Variants in PRKG1 observed in about 807,000 individuals in gnomAD.
PRKG1 encodes cGMP-dependent protein kinase 1.
In PRKG1, 35 loss-of-function variants were observed where a neutral mutation model predicts 88.1. The observed-to-expected ratio is 0.40, with a 90% confidence interval of 0.30 to 0.53. The LOEUF is 0.53. Ranked by LOEUF, PRKG1 falls within the 20% of genes least tolerant of loss-of-function variation. PRKG1 has a pLI of 0.59. For synonymous variants in PRKG1, 303 were observed against 292.5 expected (o/e 1.04, Z -0.37); for missense variants, 540 against 839.8 (o/e 0.64, Z 4.41).
chr10:52,017,648 A>G (rs1845075753), intron 5 of PRKG1, among the ~76,000 whole-genome samples: 1 of 152,204 alleles, frequency 6.6e-6, no homozygotes, highest in Non-Finnish European at 1.5e-5. Flanking sequence ...ATACTTGCAA[A>G]ATGCCTAGTA....
At chr10:52,266,872 G>A (rs1209593294) in intron 10 of PRKG1, among the ~76,000 whole-genome samples, 2 of 152,044 alleles carry the variant, frequency 1.3e-5, no homozygotes, top group Admixed American at 6.6e-5. Context: ...ACACCTAGGA[G>A]ATTAGGACAG....
intron 1 of PRKG1, among the ~76,000 whole-genome samples, chr10:51,012,702 C>T (rs1415257901): frequency 6.6e-6 from 1 of 152,112 alleles, no homozygotes; most frequent in African/African-American, 2.4e-5. Flanking sequence ...GTCATTGGAG[C>T]CTGGTCTAGT....
At chr10:51,331,939 G>A (rs1272367547) in intron 2 of PRKG1, among the ~76,000 whole-genome samples, 1 of 152,150 alleles carries the variant, frequency 6.6e-6, no homozygotes, top group African/African-American at 2.4e-5. Flanking sequence ...CATTAATTGT[G>A]ATTATAATCA....
intron 2 of PRKG1, among the ~76,000 whole-genome samples, chr10:51,195,227 T>C (rs1180377555): frequency 6.6e-6 from 1 of 152,238 alleles, no homozygotes; most frequent in Non-Finnish European, 1.5e-5. Flanking sequence ...GATGAGGACA[T>C]CTTATTCATC....
chr10:51,373,881 C>T (rs1312208378), intron 2 of PRKG1, among the ~76,000 whole-genome samples: 4 of 151,426 alleles, frequency 2.6e-5, no homozygotes, highest in Admixed American at 1.3e-4. Context: ...TGGTGGCTCA[C>T]GCCTGTAATC....
intron 3 of PRKG1, among the ~76,000 whole-genome samples, chr10:51,756,378 T>C (rs1322878149): frequency 1.3e-5 from 2 of 151,424 alleles, no homozygotes; most frequent in Non-Finnish European, 2.9e-5. Flanking sequence ...TCCCAGTTAG[T>C]TGGGAGGCTG....
Position 51,235,022 on chromosome 10 carries a change from T to C in PRKG1, c.478+81692T>C, listed in dbSNP as rs563563866. Among the ~76,000 whole-genome samples the C allele has an allele frequency of 7.9e-5, 12 of 152,300 alleles. No homozygotes were observed. In the East Asian group the frequency reaches 2.1e-3, roughly 27 times the overall value. ...ATTTCCAAAGAACCAGAATATGTCCTGGTCATGGACATTCAAGCCAGTACT... is the reference window on the plus strand; with the variant it reads ...ATTTCCAAAGAACCAGAATATGTCCCGGTCATGGACATTCAAGCCAGTACT... On this transcript the variant is annotated intron_variant, in intron 2 of 17. Transcript: ENST00000373980.
intron 2 of PRKG1, among the ~76,000 whole-genome samples, chr10:51,220,197 G>A (rs1326765988): frequency 1.3e-5 from 2 of 150,760 alleles, no homozygotes; most frequent in East Asian, 3.9e-4. Flanking sequence ...CAATCTTCCA[G>A]GACACAAGGA....
intron 8 of PRKG1, among the ~76,000 whole-genome samples, chr10:52,154,183 A>C (rs567392558): frequency 6.6e-6 from 1 of 152,302 alleles, no homozygotes; most frequent in South Asian, 2.1e-4. Context: ...ATAGATTCTG[A>C]ATTTATATAC....
At chr10:51,744,268 T>A (rs1032076856) in intron 3 of PRKG1, among the ~76,000 whole-genome samples, 41 of 152,174 alleles carry the variant, frequency 2.7e-4, no homozygotes, top group African/African-American at 9.7e-4. Context: ...GAGCACTGAA[T>A]GTTGAGAAAC....
intron 9 of PRKG1, among the ~76,000 whole-genome samples, chr10:52,188,263 CAT>C (rs1295062256): frequency 2.3e-5 from 2 of 87,298 alleles, no homozygotes; most frequent in East Asian, 2.8e-4. Context: ...TATATATATA[CAT>C]ATGTATATAT....
intron 5 of PRKG1, among the ~76,000 whole-genome samples, chr10:51,996,314 CAAAAAAAAAAAAAAAAA>C (rs59174399): frequency 6.7e-5 from 2 of 30,010 alleles, no homozygotes; most frequent in African/African-American, 3.0e-4. Flanking sequence ...GACTCCATCT[CAAAAAAAAAAAAAAAAA>C]AAAAAAAAAA....
chr10:51,318,602 C>G (rs780406197), intron 2 of PRKG1, among the ~76,000 whole-genome samples: 1 of 152,106 alleles, frequency 6.6e-6, no homozygotes, highest in Admixed American at 6.6e-5. Context: ...TGTCAGGCAT[C>G]TGAATGCAGA....
chr10:51,123,813 G>T (rs939705621), intron 1 of PRKG1, among the ~76,000 whole-genome samples: 1 of 152,088 alleles, frequency 6.6e-6, no homozygotes, highest in Non-Finnish European at 1.5e-5. Flanking sequence ...TTCTGGGGAG[G>T]CCTCAGGAAG....
At chr10:51,853,051 A>G (rs890510036) in intron 4 of PRKG1, among the ~76,000 whole-genome samples, 3 of 152,100 alleles carry the variant, frequency 2.0e-5, no homozygotes, top group Admixed American at 1.3e-4. Flanking sequence ...AAACATGGTG[A>G]TATATTTATG....
chr10:52,293,443 T>C lies in PRKG1; in HGVS notation c.1963-359T>C, dbSNP rs185569418. ...GTTCATATGGAACCAAAAAAGAGCC[T>C]GCATCGCCAAGTCAATCCTGAGCCA... On this transcript the variant is annotated intron_variant, in intron 17 of 17. Transcript: ENST00000373980. 6.7e-3 allele frequency among the ~76,000 whole-genome samples: 1,013 copies of C among 152,170 alleles called. 1 individual carries two copies. Among genetic ancestry groups the C allele is most frequent in the African/African-American group, 0.011 (464 of 41,490 alleles).
intron 10 of PRKG1, among the ~76,000 whole-genome samples, chr10:52,270,671 G>A (rs1321524063): frequency 7.6e-6 from 1 of 132,450 alleles, no homozygotes; most frequent in Non-Finnish European, 1.5e-5. Context: ...ATTGAACAAT[G>A]AGAACACATG....
intron 4 of PRKG1, among the ~76,000 whole-genome samples, chr10:51,865,395 T>C (rs1840987893): frequency 6.7e-6 from 1 of 150,050 alleles, no homozygotes; most frequent in Non-Finnish European, 1.5e-5. Flanking sequence ...TTTCTAATAG[T>C]GAAGAATATT....
intron 9 of PRKG1, among the ~76,000 whole-genome samples, chr10:52,251,363 T>C (rs532163527): frequency 2.0e-5 from 3 of 152,276 alleles, no homozygotes; most frequent in Admixed American, 2.0e-4. Context: ...TTTTCTACCG[T>C]ACTTTGAAAC....
Sources: gnomAD v4.1 joint callset for allele counts (sites outside exome capture counted in the v4.1 genomes callset) on GRCh38, gnomAD v4.1.1 for gene constraint, MANE v1.5 for transcripts, NCBI Gene and HGNC (gene_info 2026-07-23, HGNC 2026-07-21) for gene names.